APIP: variants seen among roughly 807,000 people sequenced by gnomAD.
APIP encodes the protein APAF1 interacting protein.
A neutral mutation model predicts 32.0 loss-of-function variants in APIP; 32 were observed. The observed-to-expected ratio is 1.00, with a 90% CI of 0.76 to 1.34. The LOEUF is 1.34. APIP is among the 40% of genes most tolerant of loss of function. The pLI is 0.00. For missense variants in APIP, 247 were observed against 298.6 expected (o/e 0.83, Z 1.27); for synonymous variants, 92 against 94.8 (o/e 0.97, Z 0.17).
At chr11:34,902,418 T>A (rs1336293029) in intron 1 of APIP, among the ~76,000 whole-genome samples, 1 of 152,204 alleles carries the variant, frequency 6.6e-6, no homozygotes, top group African/African-American at 2.4e-5. Context: ...ACTTCTCAGC[T>A]AACAGAGGAT....
Position 34,891,276 on chromosome 11 carries a change from T to G in APIP, c.159-724A>C, listed in dbSNP as rs75877363. Among the ~76,000 whole-genome samples the G allele has an allele frequency of 5.5e-3, 834 of 152,254 alleles. 12 individuals carry two copies. The highest frequency in any genetic ancestry group is 0.019 in the African/African-American group (799 of 41,552). ...CCACAAGGTGCTCTCAAATTTGATT[T>G]GGAAATTAATTTCAAATCTTCTCTA... On this transcript the variant is annotated intron_variant, in intron 2 of 6. Transcript: ENST00000395787.
intron 2 of APIP, among the ~76,000 whole-genome samples, chr11:34,892,487 G>A: frequency 6.6e-6 from 1 of 151,946 alleles, no homozygotes; most frequent in East Asian, 1.9e-4. Context: ...TCTACAATGT[G>A]ACTTTATTAA....
At chr11:34,916,138 G>C in intron 1 of APIP, 90 bp downstream of exon 1, 2 of 1,512,328 alleles carry the variant, frequency 1.3e-6, no homozygotes, top group Non-Finnish European at 1.8e-6. Flanking sequence ...CTAAACGCCC[G>C]GCCCGCTACC....
intron 1 of APIP, among the ~76,000 whole-genome samples, chr11:34,895,677 T>G (rs116354121): frequency 0.011 from 1,625 of 152,238 alleles, 29 homozygotes; most frequent in African/African-American, 0.038. Context: ...CAAAAAACAC[T>G]AAGAAACAAC....
At chr11:34,916,052 G>C (rs1758500302) in intron 1 of APIP, 176 bp downstream of exon 1, 1 of 807,616 alleles carries the variant, frequency 1.2e-6, no homozygotes, top group Non-Finnish European at 1.9e-6. Flanking sequence ...CTGGGGCCTC[G>C]CAGCCTTGCT....
chr11:34,884,604 A>C (rs1853027758), intron 5 of APIP, among the ~76,000 whole-genome samples: 2 of 152,170 alleles, frequency 1.3e-5, no homozygotes, highest in African/African-American at 2.4e-5. Flanking sequence ...GCATGCCTGT[A>C]GTCCCACCTA....
At chr11:34,902,732 A>C (rs1192679234) in intron 1 of APIP, among the ~76,000 whole-genome samples, 1 of 152,200 alleles carries the variant, frequency 6.6e-6, no homozygotes. Context: ...AACCAGCTAA[A>C]GCAAGCCTTG....
Position 34,895,626 on chromosome 11 carries a change from G to A in APIP, c.58-516C>T, listed in dbSNP as rs888971052. 1.3e-4 allele frequency among the ~76,000 whole-genome samples: 20 copies of A among 152,138 alleles called. 1 individual carries two copies. The highest frequency in any genetic ancestry group is 4.8e-4 in the African/African-American group (20 of 41,508). On this transcript the variant is annotated intron_variant, in intron 1 of 6. Coordinates refer to ENST00000395787, the MANE Select transcript of APIP (RefSeq NM_015957.4). ...GATTTTAGTTTCTCTTATTGAAAAA[G>A]CAATATATACTCATTATAGAAAATA...
chr11:34,911,191 G>A (rs532511056), intron 1 of APIP, among the ~76,000 whole-genome samples: 5 of 152,212 alleles, frequency 3.3e-5, no homozygotes, highest in African/African-American at 1.2e-4. Context: ...GGAATGGGAT[G>A]TTAGAGTGAG....
chr11:34,904,224 A>T, intron 1 of APIP, among the ~76,000 whole-genome samples: 1 of 152,182 alleles, frequency 6.6e-6, no homozygotes, highest in East Asian at 1.9e-4. Flanking sequence ...TAGTTAATGA[A>T]ATAACTTCCT....
chr11:34,894,950 G>A, intron 2 of APIP, 60 bp downstream of exon 2: 2 of 1,411,104 alleles, frequency 1.4e-6, no homozygotes, highest in East Asian at 2.3e-5. Flanking sequence ...TAACACATTA[G>A]ACTTGCTGTG....
chr11:34,894,603 C>T (rs535494463), intron 2 of APIP, among the ~76,000 whole-genome samples: 15 of 152,040 alleles, frequency 9.9e-5, no homozygotes, highest in South Asian at 4.2e-4. Flanking sequence ...GAGCCATGAT[C>T]GCCCCACTGC....
chr11:34,882,937 C>T (rs1852991247), intron 6 of APIP, 121 bp from the exon 7 acceptor site: 1 of 665,570 alleles, frequency 1.5e-6, no homozygotes, highest in Admixed American at 3.3e-5. Flanking sequence ...TATTTTCTCT[C>T]AATTCTAGGC....
intron 1 of APIP, among the ~76,000 whole-genome samples, chr11:34,914,099 GTAGA>G (rs1853606029): frequency 6.6e-6 from 1 of 152,278 alleles, no homozygotes; most frequent in South Asian, 2.1e-4. Flanking sequence ...TTAGGCCTCA[GTAGA>G]TACTTTCACT....
At chr11:34,902,968 C>T (rs897258938) in intron 1 of APIP, among the ~76,000 whole-genome samples, 22 of 102,456 alleles carry the variant, frequency 2.1e-4, no homozygotes, top group African/African-American at 3.9e-4. Context: ...CAAACTAATC[C>T]TGGGAAATGA....
chr11:34,906,413 C>G (rs1853457176), intron 1 of APIP, among the ~76,000 whole-genome samples: 1 of 152,172 alleles, frequency 6.6e-6, no homozygotes, highest in African/African-American at 2.4e-5. Flanking sequence ...CTGGGGAGGG[C>G]ATGCACATGA....
At chr11:34,890,343 AC>A (rs1266784847) in intron 3 of APIP, among the ~76,000 whole-genome samples, 160 bp downstream of exon 3, 1 of 152,188 alleles carries the variant, frequency 6.6e-6, no homozygotes, top group Admixed American at 6.5e-5. Flanking sequence ...GAAGATATCT[AC>A]CACCTTACAA....
chr11:34,908,692 T>C (rs7129830), intron 1 of APIP, among the ~76,000 whole-genome samples: 19,857 of 152,280 alleles, frequency 0.13, 1,771 homozygotes, highest in African/African-American at 0.26. Flanking sequence ...ATCTCCAGAC[T>C]TCTGAATTAA....
At chr11:34,913,274 G>C (rs1293026484) in intron 1 of APIP, among the ~76,000 whole-genome samples, 1 of 152,202 alleles carries the variant, frequency 6.6e-6, no homozygotes, top group Non-Finnish European at 1.5e-5. Context: ...TTTAGGTCTG[G>C]TCCTAGTTTG....
Sources: allele counts gnomAD v4.1 joint callset (sites outside exome capture counted in the v4.1 genomes callset), GRCh38; gene constraint gnomAD v4.1.1; transcripts MANE v1.5; gene names NCBI Gene and HGNC (gene_info 2026-07-23, HGNC 2026-07-21).